ADGRL3: variants seen among roughly 807,000 people sequenced by gnomAD.
ADGRL3 encodes the protein adhesion G protein-coupled receptor L3, also known as calcium-independent alpha-latrotoxin receptor 3.
In ADGRL3, 62 loss-of-function variants were observed where a neutral mutation model predicts 153.5. The ratio of observed to expected loss-of-function variants is 0.40; its 90% CI spans 0.33 to 0.50. The LOEUF (loss-of-function observed/expected upper bound fraction) is 0.50. Ranked by LOEUF, ADGRL3 falls within the 20% of genes least tolerant of loss-of-function variation. The pLI, the probability that ADGRL3 is intolerant of heterozygous loss-of-function variation, is 0.47. For synonymous variants in ADGRL3, 710 were observed against 672.5 expected (o/e 1.06, Z -0.86); for missense variants, 1,641 against 1,859.4 (o/e 0.88, Z 2.16).
At chr4:61,738,913 C>T (rs1466956036) in intron 8 of ADGRL3, among the ~76,000 whole-genome samples, 1 of 151,938 alleles carries the variant, frequency 6.6e-6, no homozygotes, top group Non-Finnish European at 1.5e-5. Context: ...GTTAATTGGC[C>T]AGTTTTTCTT....
chr4:61,523,008 G>A (rs923583620), intron 4 of ADGRL3, among the ~76,000 whole-genome samples: 4 of 151,896 alleles, frequency 2.6e-5, no homozygotes, highest in African/African-American at 9.7e-5. Flanking sequence ...ATTCCTGACA[G>A]AACAATTTCT....
chr4:61,290,775 C>G (rs1363136761), intron 1 of ADGRL3, among the ~76,000 whole-genome samples: 1 of 151,720 alleles, frequency 6.6e-6, no homozygotes, highest in Non-Finnish European at 1.5e-5. Context: ...TAATTTTAGT[C>G]TTCATATGTT....
At chr4:61,648,677 A>C (rs936405435) in intron 5 of ADGRL3, among the ~76,000 whole-genome samples, 2 of 152,008 alleles carry the variant, frequency 1.3e-5, no homozygotes, top group African/African-American at 2.4e-5. Context: ...AGAATATAAA[A>C]CATCATTGCC....
intron 17 of ADGRL3, among the ~76,000 whole-genome samples, chr4:61,953,326 T>C (rs953349203): frequency 1.3e-5 from 2 of 152,192 alleles, no homozygotes; most frequent in Non-Finnish European, 2.9e-5. Flanking sequence ...CTCAATAATC[T>C]TGATAGCTAT....
At chr4:61,716,716 A>G (rs1255240234) in intron 6 of ADGRL3, among the ~76,000 whole-genome samples, 1 of 152,182 alleles carries the variant, frequency 6.6e-6, no homozygotes, top group Admixed American at 6.6e-5. Flanking sequence ...GAGGGAGAAG[A>G]TTCATAAAAG....
At chr4:61,673,923 G>T (rs2095093743) in intron 5 of ADGRL3, among the ~76,000 whole-genome samples, 1 of 150,698 alleles carries the variant, frequency 6.6e-6, no homozygotes, top group African/African-American at 2.4e-5. Flanking sequence ...TATATTATAG[G>T]CATAACATTT....
chr4:61,686,132 A>G (rs1337507454), intron 6 of ADGRL3, among the ~76,000 whole-genome samples: 2 of 152,144 alleles, frequency 1.3e-5, no homozygotes, highest in Non-Finnish European at 1.5e-5. Flanking sequence ...ATAGGAAAAT[A>G]TAGAACTTAT....
intron 6 of ADGRL3, among the ~76,000 whole-genome samples, chr4:61,725,335 G>A (rs991953943): frequency 6.6e-6 from 1 of 152,062 alleles, no homozygotes; most frequent in African/African-American, 2.4e-5. Flanking sequence ...ACTTAAGGCT[G>A]GGTGCAGTGG....
intron 8 of ADGRL3, among the ~76,000 whole-genome samples, chr4:61,772,355 A>G (rs2097096773): frequency 1.3e-5 from 2 of 152,304 alleles, no homozygotes; most frequent in African/African-American, 4.8e-5. Flanking sequence ...GACCTAGCCA[A>G]TGCAGTCCCA....
At chr4:61,870,007 A>G (rs1341330515) in intron 9 of ADGRL3, among the ~76,000 whole-genome samples, 3 of 142,576 alleles carry the variant, frequency 2.1e-5, no homozygotes, top group African/African-American at 7.6e-5. Context: ...AGAGAGAGAG[A>G]GAGAAAGGAA....
intron 1 of ADGRL3, among the ~76,000 whole-genome samples, chr4:61,311,800 A>G (rs779736328): frequency 2.0e-5 from 3 of 152,202 alleles, no homozygotes. Flanking sequence ...GGATGATACT[A>G]CAGTGGTAGA....
At chr4:62,067,360 A>T (rs886582453) in intron 25 of ADGRL3, among the ~76,000 whole-genome samples, 1 of 152,108 alleles carries the variant, frequency 6.6e-6, no homozygotes, top group Non-Finnish European at 1.5e-5. Flanking sequence ...TTAAAAAAAT[A>T]ATTTTGATAG....
At chr4:61,816,360 G>A (rs766525679) in intron 9 of ADGRL3, among the ~76,000 whole-genome samples, 11 of 152,262 alleles carry the variant, frequency 7.2e-5, no homozygotes, top group East Asian at 5.8e-4. Flanking sequence ...ACTCACTCAC[G>A]TTTTTGAAAA....
At chr4:61,600,494 G>A (rs1388340277) in intron 5 of ADGRL3, among the ~76,000 whole-genome samples, 2 of 152,020 alleles carry the variant, frequency 1.3e-5, no homozygotes, top group African/African-American at 4.8e-5. Flanking sequence ...AGAGCATGTG[G>A]TTTGAAATCT....
chr4:61,783,022 G>A (rs2097232537), intron 8 of ADGRL3, among the ~76,000 whole-genome samples: 1 of 152,064 alleles, frequency 6.6e-6, no homozygotes, highest in African/African-American at 2.4e-5. Flanking sequence ...GTATTCCCAG[G>A]CTCCACTGAC....
intron 5 of ADGRL3, among the ~76,000 whole-genome samples, chr4:61,671,328 T>G (rs2094988196): frequency 6.6e-6 from 1 of 152,184 alleles, no homozygotes; most frequent in African/African-American, 2.4e-5. Flanking sequence ...ATGATTATCT[T>G]TCCTAATACT....
rs775777623 is a variant in ADGRL3 at position 61,835,234 on chromosome 4, C to G, written c.1480+21345C>G. Among the ~76,000 whole-genome samples, 20 of 148,130 alleles carry G rather than the reference C, an allele frequency of 1.4e-4. No homozygotes were observed. In the Admixed American group the frequency reaches 1.4e-3, roughly 10 times the overall value. On this transcript the variant is annotated intron_variant, in intron 9 of 26. Coordinates refer to ENST00000683033, the MANE Select transcript of ADGRL3 (RefSeq NM_001387552.1). The stretch of plus-strand genomic sequence containing the variant: ...GGAAAACAGGGTTTTTTTTCCAAAA[C>G]GAGTTCTGCGGCTCCTCCTCTGTTT...
intron 1 of ADGRL3, among the ~76,000 whole-genome samples, chr4:61,247,278 T>G (rs1459495363): frequency 6.6e-6 from 1 of 152,096 alleles, no homozygotes; most frequent in Non-Finnish European, 1.5e-5. Context: ...TTCATTGCAT[T>G]CTGTTGCAAT....
intron 9 of ADGRL3, among the ~76,000 whole-genome samples, chr4:61,847,863 A>T (rs1245680839): frequency 1.6e-4 from 3 of 19,114 alleles, no homozygotes; most frequent in African/African-American, 2.6e-4. Flanking sequence ...ATTATATATA[A>T]TATAAAATAT....
Sources: allele counts gnomAD v4.1 joint callset (sites outside exome capture counted in the v4.1 genomes callset), GRCh38; gene constraint gnomAD v4.1.1; transcripts MANE v1.5; gene names NCBI Gene and HGNC (gene_info 2026-07-23, HGNC 2026-07-21).